The following CELSR1 variants were observed in gnomAD, a reference collection of about 807,000 sequenced individuals.
CELSR1 encodes the protein adhesion G protein-coupled receptor C1.
In CELSR1, 110 loss-of-function variants were observed where a neutral mutation model predicts 249.1. That is an observed-to-expected ratio of 0.44 (90% CI 0.38 to 0.52). The LOEUF (loss-of-function observed/expected upper bound fraction) is 0.52. Ranked by LOEUF, CELSR1 falls within the 20% of genes least tolerant of loss-of-function variation. CELSR1 has a pLI of 0.00. For missense variants in CELSR1, 4,109 were observed against 4,296.4 expected (o/e 0.96, Z 1.22); for synonymous variants, 2,113 against 1,900.0 (o/e 1.11, Z -2.92).
chr22:46,450,890 G>A (rs2079875510), intron 2 of CELSR1, among the ~76,000 whole-genome samples: 1 of 152,190 alleles, frequency 6.6e-6, no homozygotes, highest in African/African-American at 2.4e-5. Flanking sequence ...GCATTCCCCA[G>A]CACTAACAGG....
Position 46,433,787 on chromosome 22 carries a change from A to C in CELSR1, c.4523-306T>G, listed in dbSNP as rs1457163694. Among the ~76,000 whole-genome samples, 1 of 151,844 alleles carries C rather than the reference A, an allele frequency of 6.6e-6. No individual in the cohort carries two copies. Among genetic ancestry groups the C allele is most frequent in the Non-Finnish European group, 1.5e-5 (1 of 67,942 alleles). On this transcript the variant is annotated intron_variant, in intron 4 of 34. Transcript: ENST00000674500. This position sits in a 1 kb window ranked among gnomAD's most constrained non-coding sequence, Gnocchi z 5.7. ...GCCACCTCCGCCTCCTGGGTTCAAG[A>C]GATTCTCCTGCCTCAGCCTCCTGAG...
chr22:46,498,898 G>T (rs1417275355), intron 1 of CELSR1, among the ~76,000 whole-genome samples: 2 of 151,906 alleles, frequency 1.3e-5, no homozygotes, highest in Non-Finnish European at 2.9e-5. Context: ...TAAAACATGG[G>T]GCCGGGCTCG....
Position 46,464,444 on chromosome 22 carries a change from G to C in CELSR1, c.3545-99C>G. On this transcript the variant is annotated intron_variant, in intron 1 of 34. Coordinates refer to ENST00000674500, the MANE Select transcript of CELSR1 (RefSeq NM_001378328.1). The surrounding 1 kb of genome is among the most constrained non-coding windows in gnomAD (Gnocchi z 8.5). ...GCAGCCTCAGGCATGCTTGGCAAAG[G>C]AGAAGAGAGCCTGGGCATCCCCACT... 1 of 1,318,852 alleles carries C rather than the reference G, an allele frequency of 7.6e-7. No homozygotes were observed. The highest frequency in any genetic ancestry group is 1.4e-5 in the South Asian group (1 of 71,256). 81.7% of individuals were successfully genotyped at this position (1,318,852 alleles called of 1,614,324 possible). A position where few individuals can be genotyped will look rare whatever the true frequency, so the allele number is the denominator to read the frequency against.
At chr22:46,400,354 T>C (rs1457741889) in intron 9 of CELSR1, among the ~76,000 whole-genome samples, 1 of 149,808 alleles carries the variant, frequency 6.7e-6, no homozygotes, top group African/African-American at 2.5e-5. Flanking sequence ...TTAGGCAAAG[T>C]TGGCTGGGAG....
chr22:46,365,497 T>G, intron 31 of CELSR1, 89 bp downstream of exon 31: 2 of 1,542,550 alleles, frequency 1.3e-6, no homozygotes, highest in Non-Finnish European at 1.8e-6. Context: ...GCGAGGCTGC[T>G]AGTGCTTCTT....
intron 2 of CELSR1, among the ~76,000 whole-genome samples, chr22:46,452,036 C>T (rs1324827077): frequency 6.6e-6 from 1 of 152,188 alleles, no homozygotes; most frequent in Non-Finnish European, 1.5e-5. Flanking sequence ...CCTCCTAGAG[C>T]CTCCAGGAAG....
chr22:46,462,731 CCAAT>C (rs923944519), intron 2 of CELSR1: 9 of 254,938 alleles, frequency 3.5e-5, no homozygotes, highest in Middle Eastern at 4.6e-4. Flanking sequence ...TGTGGAACAG[CCAAT>C]CAAAGACCAA....
intron 11 of CELSR1, 59 bp from the exon 12 acceptor site, chr22:46,397,907 G>A: frequency 7.3e-7 from 1 of 1,373,860 alleles, no homozygotes; most frequent in African/African-American, 1.5e-5. Flanking sequence ...TAGGGGTTAA[G>A]GGAACCCTGA....
intron 2 of CELSR1, among the ~76,000 whole-genome samples, chr22:46,453,161 G>A (rs2079906137): frequency 6.6e-6 from 1 of 152,230 alleles, no homozygotes. Context: ...GACATGGAAA[G>A]ACGACCGAGG....
Position 46,408,283 on chromosome 22 carries a change from G to A in CELSR1, c.5226+713C>T, listed in dbSNP as rs962501457. On this transcript the variant is annotated intron_variant, in intron 9 of 34. Coordinates refer to ENST00000674500, the MANE Select transcript of CELSR1 (RefSeq NM_001378328.1). This position sits in a 1 kb window ranked among gnomAD's most constrained non-coding sequence, Gnocchi z 4.6. ...GGGCTTTAGGCATTTCTGGGCTGAGGCATCTCAAGCTCCCAGAGAAAGTGG... is the reference window on the plus strand; with the variant it reads ...GGGCTTTAGGCATTTCTGGGCTGAGACATCTCAAGCTCCCAGAGAAAGTGG... 2.0e-5 allele frequency among the ~76,000 whole-genome samples: 3 copies of A among 152,226 alleles called. No homozygotes were observed. Among genetic ancestry groups the A allele is most frequent in the African/African-American group, 7.2e-5 (3 of 41,470 alleles).
intron 1 of CELSR1, among the ~76,000 whole-genome samples, chr22:46,466,101 G>A (rs2080093590): frequency 6.6e-6 from 1 of 152,208 alleles, no homozygotes; most frequent in Admixed American, 6.5e-5. Context: ...GAGCAGGAAG[G>A]AGCAGCCCAG....
intron 1 of CELSR1, among the ~76,000 whole-genome samples, chr22:46,515,802 C>T (rs1226668512): frequency 6.6e-6 from 1 of 152,222 alleles, no homozygotes; most frequent in Non-Finnish European, 1.5e-5. Context: ...GGACATTCCG[C>T]CCATCCTGCA....
At chr22:46,443,876 C>A (rs2079785509) in intron 2 of CELSR1, among the ~76,000 whole-genome samples, 1 of 152,246 alleles carries the variant, frequency 6.6e-6, no homozygotes, top group African/African-American at 2.4e-5. Flanking sequence ...TATCTTGCTT[C>A]TACTTTTAAA....
In CELSR1 at chr22:46,427,904, G is replaced by A. The variant is rs2079553460; in HGVS notation, c.4611+5489C>T. Among the ~76,000 whole-genome samples, 1 of 152,134 alleles carries A rather than the reference G, an allele frequency of 6.6e-6. No individual in the cohort carries two copies. Among genetic ancestry groups the A allele is most frequent in the Non-Finnish European group, 1.5e-5 (1 of 68,020 alleles). On this transcript the variant is annotated intron_variant, in intron 5 of 34. Coordinates refer to ENST00000674500, the MANE Select transcript of CELSR1 (RefSeq NM_001378328.1). This position sits in a 1 kb window ranked among gnomAD's most constrained non-coding sequence, Gnocchi z 4.2. ...CAAGTGTCTGGGTGGAAGTCCTCGA[G>A]TTTTTAGAACATGTGCAGAAACGGA...
At position 46,506,518 on chromosome 22, in the gene CELSR1, C is replaced by G. The variant is rs77453613; in HGVS notation, c.3544+27109G>C. Among the ~76,000 whole-genome samples the G allele has an allele frequency of 6.6e-6, 1 of 152,340 alleles. No homozygotes were observed. The highest frequency in any genetic ancestry group is 1.5e-5 in the Non-Finnish European group (1 of 68,026). The stretch of plus-strand genomic sequence containing the variant: ...TGCCTCAGGTCTGCGTTCTGCCAGC[C>G]TCAGCCCCAGCCCCAGCCCCCCAAG... On this transcript the variant is annotated intron_variant, in intron 1 of 34. Transcript: ENST00000674500. The surrounding 1 kb of genome is among the most constrained non-coding windows in gnomAD (Gnocchi z 4.1).
In CELSR1 at chr22:46,423,113, C is replaced by T. The variant is rs1443336330; in HGVS notation, c.4611+10280G>A. 6.6e-6 allele frequency among the ~76,000 whole-genome samples: 1 copy of T among 152,182 alleles called. No individual in the cohort carries two copies. The highest frequency in any genetic ancestry group is 6.5e-5 in the Admixed American group (1 of 15,282). ...GCCTGGAAAGCACCGTGCACTGGGACTCGCCCTCTCTGGCTGCTAGGAACC... is the reference window on the plus strand; with the variant it reads ...GCCTGGAAAGCACCGTGCACTGGGATTCGCCCTCTCTGGCTGCTAGGAACC... On this transcript the variant is annotated intron_variant, in intron 5 of 34. Coordinates refer to ENST00000674500, the MANE Select transcript of CELSR1 (RefSeq NM_001378328.1). The surrounding 1 kb of genome is among the most constrained non-coding windows in gnomAD (Gnocchi z 5.6).
rs1446112842 is a variant in CELSR1, at chr22:46,406,808, C to G, written c.5226+2188G>C. Reference sequence around the variant, plus strand: ...GGAGCAGGCACTCCGTAAAATCCATCTCACCTCTCACCATCTGACCTTAGC... The same window carrying G: ...GGAGCAGGCACTCCGTAAAATCCATGTCACCTCTCACCATCTGACCTTAGC... On this transcript the variant is annotated intron_variant, in intron 9 of 34. Transcript: ENST00000674500. The surrounding 1 kb of genome is among the most constrained non-coding windows in gnomAD (Gnocchi z 5.4). Among the ~76,000 whole-genome samples the G allele has an allele frequency of 6.6e-6, 1 of 152,194 alleles. No individual in the cohort carries two copies. Among genetic ancestry groups the G allele is most frequent in the African/African-American group, 2.4e-5 (1 of 41,452 alleles).
intron 1 of CELSR1, among the ~76,000 whole-genome samples, chr22:46,491,812 T>G (rs572094506): frequency 6.6e-6 from 1 of 151,730 alleles, no homozygotes; most frequent in African/African-American, 2.4e-5. Context: ...AATGTTTGTA[T>G]TTTTAGTAGA....
chr22:46,463,358 A>G (rs1024297263), intron 2 of CELSR1, among the ~76,000 whole-genome samples: 1 of 152,144 alleles, frequency 6.6e-6, no homozygotes, highest in African/African-American at 2.4e-5. Context: ...TCTACTAAAA[A>G]TACAAAAATT....
Sources: gnomAD v4.1 joint callset for allele counts (sites outside exome capture counted in the v4.1 genomes callset) on GRCh38, gnomAD v4.1.1 for gene constraint, Gnocchi (gnomAD v3.1) non-coding constraint, MANE v1.5 for transcripts, NCBI Gene and HGNC (gene_info 2026-07-23, HGNC 2026-07-21) for gene names.